Variants in DZIP3 observed in about 807,000 individuals in gnomAD.
DZIP3 encodes the protein DAZ interacting zinc finger protein 3.
A neutral mutation model predicts 162.0 loss-of-function variants in DZIP3; 118 were observed. The observed-to-expected ratio is 0.73, with a 90% CI of 0.63 to 0.85. DZIP3 has a LOEUF of 0.85. Among genes scored for constraint, DZIP3 ranks in the 40% least tolerant of loss-of-function variants. The pLI, the probability that DZIP3 is intolerant of heterozygous loss-of-function variation, is 0.00. For synonymous variants in DZIP3, 438 were observed against 458.6 expected (o/e 0.96, Z 0.57); for missense variants, 1,331 against 1,407.0 (o/e 0.95, Z 0.86).
In DZIP3 at chr3:108,658,743, G is replaced by C. The variant is rs1245088118; in HGVS notation, c.2200-3134G>C. 5.6e-3 allele frequency among the ~76,000 whole-genome samples: 849 copies of C among 151,942 alleles called. 3 individuals carry two copies. Among genetic ancestry groups the C allele is most frequent in the Middle Eastern group, 0.021 (6 of 292 alleles). ...GATCAACAAAATTGATAGACCGCTA[G>C]CAAGACTAATAAAGAAGAAAAGAGA... On this transcript the variant is annotated intron_variant, in intron 19 of 32. Transcript: ENST00000361582.
chr3:108,645,682 C>A (rs774314178), intron 14 of DZIP3, among the ~76,000 whole-genome samples: 1 of 152,274 alleles, frequency 6.6e-6, no homozygotes, highest in Middle Eastern at 3.4e-3. Context: ...TATAAACATA[C>A]AACTGTAAAA....
chr3:108,654,406 G>C (rs749821968), intron 19 of DZIP3, 96 bp downstream of exon 19: 1 of 1,305,974 alleles, frequency 7.7e-7, no homozygotes, highest in South Asian at 1.2e-5. Context: ...AAGCCCAGTG[G>C]TTTATACTGT....
chr3:108,612,911 T>G (rs890866245), intron 4 of DZIP3, among the ~76,000 whole-genome samples: 1 of 152,120 alleles, frequency 6.6e-6, no homozygotes, highest in Non-Finnish European at 1.5e-5. Context: ...GTAAAATACT[T>G]AAGAAATGTA....
At chr3:108,678,987 C>G (rs972399581) in intron 26 of DZIP3, among the ~76,000 whole-genome samples, 1 of 152,014 alleles carries the variant, frequency 6.6e-6, no homozygotes, top group African/African-American at 2.4e-5. Context: ...TTGGTCAATT[C>G]AGTTTCTATA....
chr3:108,642,325 A>C (rs1170504987), intron 12 of DZIP3, 113 bp from the exon 13 acceptor site: 1 of 1,180,124 alleles, frequency 8.5e-7, no homozygotes, highest in African/African-American at 1.6e-5. Flanking sequence ...TCCTTCTTGA[A>C]TTATTTCTAG....
At chr3:108,676,113 C>G (rs369993536) in intron 25 of DZIP3, among the ~76,000 whole-genome samples, 25 of 150,764 alleles carry the variant, frequency 1.7e-4, no homozygotes, top group African/African-American at 5.7e-4. Context: ...GCCCTCACAC[C>G]TAGCTTTCCT....
intron 14 of DZIP3, 114 bp downstream of exon 14, chr3:108,644,895 T>C (rs531946684): frequency 1.8e-4 from 166 of 944,922 alleles, no homozygotes; most frequent in Non-Finnish European, 2.4e-4. Flanking sequence ...TTTGGGAAAA[T>C]GGACTCATCA....
At chr3:108,616,734 C>T in intron 5 of DZIP3, 77 bp downstream of exon 5, 2 of 1,044,250 alleles carry the variant, frequency 1.9e-6, no homozygotes, top group Non-Finnish European at 2.8e-6. Context: ...CCAATGCATG[C>T]TTATTTTAAG....
intron 26 of DZIP3, among the ~76,000 whole-genome samples, chr3:108,683,201 T>TA (rs1944381241): frequency 6.6e-6 from 1 of 150,870 alleles, no homozygotes; most frequent in African/African-American, 2.5e-5. Context: ...GAGGAACTCT[T>TA]ACTGGATATA....
intron 8 of DZIP3, among the ~76,000 whole-genome samples, chr3:108,631,175 T>G (rs1941869836): frequency 1.3e-5 from 2 of 150,814 alleles, no homozygotes; most frequent in South Asian, 4.2e-4. Flanking sequence ...TTCCTCACCT[T>G]TCTTGTATGT....
chr3:108,609,188 G>A (rs1472253904), intron 3 of DZIP3, among the ~76,000 whole-genome samples: 2 of 152,144 alleles, frequency 1.3e-5, no homozygotes, highest in African/African-American at 4.8e-5. Context: ...TTCAGCATGA[G>A]ACTTGGGTAG....
chr3:108,605,859 G>A lies in DZIP3; in HGVS notation c.32+421G>A, dbSNP rs1457044795. Among the ~76,000 whole-genome samples the A allele has an allele frequency of 3.3e-5, 5 of 152,286 alleles. No homozygotes were observed. The South Asian group carries it at 1.0e-3, about 32-fold the overall frequency. On this transcript the variant is annotated intron_variant, in intron 2 of 32. Transcript: ENST00000361582. ...AAGACATAATGTTTGTTTTTTCCAC[G>A]TAACCTTGGGAAGCCAGTATGAACA... is the stretch of plus-strand genomic sequence containing the variant.
rs919795989 is a variant in DZIP3, at chr3:108,658,479, A to G, written c.2200-3398A>G. 4.3e-4 allele frequency among the ~76,000 whole-genome samples: 66 copies of G among 152,290 alleles called. No individual in the cohort carries two copies. In the East Asian group the frequency reaches 8.5e-3, roughly 20 times the overall value. On this transcript the variant is annotated intron_variant, in intron 19 of 32. Coordinates refer to ENST00000361582, the MANE Select transcript of DZIP3 (RefSeq NM_014648.4). ...CACAACATACCAGAATCTCTGGGAC[A>G]CATTCAAAGCAGTGTGTAGAGGGAA...
At position 108,616,658 on chromosome 3, in the gene DZIP3, G is replaced by C; in HGVS notation, c.375+1G>C. The stretch of plus-strand genomic sequence containing the variant: ...GAACATTCAAGCTGGCAATTATACC[G>C]TAAGTGTTTTCTTTTTGGAAATTTG... On this transcript the variant is annotated splice_donor_variant, in intron 5 of 32. Transcript: ENST00000361582. LOFTEE classifies it high-confidence loss of function. The C allele has an allele frequency of 6.4e-7, 1 of 1,564,172 alleles. No individual in the cohort carries two copies. The highest frequency in any genetic ancestry group is 8.7e-7 in the Non-Finnish European group (1 of 1,155,126).
intron 17 of DZIP3, 105 bp from the exon 18 acceptor site, chr3:108,651,032 T>G (rs957762726): frequency 1.5e-5 from 6 of 389,348 alleles, no homozygotes; most frequent in Non-Finnish European, 2.5e-5. Flanking sequence ...TCTTTAGTTA[T>G]GATCAAAAAT....
chr3:108,617,144 A>T (rs932977628), intron 5 of DZIP3, among the ~76,000 whole-genome samples: 2 of 152,202 alleles, frequency 1.3e-5, no homozygotes, highest in African/African-American at 4.8e-5. Context: ...TGGTCAAAAG[A>T]TACAAAATTT....
intron 19 of DZIP3, among the ~76,000 whole-genome samples, chr3:108,657,131 C>T (rs1242612164): frequency 6.6e-6 from 1 of 152,108 alleles, no homozygotes; most frequent in Non-Finnish European, 1.5e-5. Context: ...TTAGGAAATA[C>T]AGAGAACGCC....
Position 108,686,516 on chromosome 3 carries a change from T to C in DZIP3, c.3081T>C (p.Ser1027=). 1 of 1,612,432 alleles carries C rather than the reference T, an allele frequency of 6.2e-7. No homozygotes were observed. The highest frequency in any genetic ancestry group is 8.5e-7 in the Non-Finnish European group (1 of 1,179,518). The change falls in exon 28 of 33, where the codon AGT becomes AGC. Residue 1027 remains serine, a synonymous_variant. Transcript: ENST00000361582. ...DAVPPSAGLR[S]DPSIMNWERI... ...TGCCTCCCAGTGCAGGTCTGCGGAGTGATCCCTCCATCATGAATTGGGAGA... is the reference window on the plus strand; with the variant it reads ...TGCCTCCCAGTGCAGGTCTGCGGAGCGATCCCTCCATCATGAATTGGGAGA...
chr3:108,607,172 CATGTG>C (rs1940428146), intron 2 of DZIP3, among the ~76,000 whole-genome samples: 1 of 152,030 alleles, frequency 6.6e-6, no homozygotes, highest in Non-Finnish European at 1.5e-5. Context: ...GAAATGTTGG[CATGTG>C]TATATCATCT....
Sources: gnomAD v4.1 joint callset for allele counts (sites outside exome capture counted in the v4.1 genomes callset) on GRCh38, gnomAD v4.1.1 for gene constraint, MANE v1.5 for transcripts, NCBI Gene and HGNC (gene_info 2026-07-23, HGNC 2026-07-21) for gene names.